ASTN2: variants seen among roughly 807,000 people sequenced by gnomAD.
The protein encoded by ASTN2 is astrotactin 2.
Under a neutral mutation model 139.8 loss-of-function variants are expected in ASTN2, and 54 were observed. That is an observed-to-expected ratio of 0.39 (90% CI 0.31 to 0.48). The LOEUF (loss-of-function observed/expected upper bound fraction) is 0.48. ASTN2 is among the 20% of genes least tolerant of loss of function. The pLI, the probability that ASTN2 is intolerant of heterozygous loss-of-function variation, is 0.95. For missense variants in ASTN2, 1,565 were observed against 1,725.1 expected, an observed-to-expected ratio of 0.91 and a Z score of 1.64; for synonymous variants, 756 against 719.5, an observed-to-expected ratio of 1.05 and a Z score of -0.81.
intron 21 of ASTN2, among the ~76,000 whole-genome samples, chr9:116,441,648 G>A (rs1265587642): frequency 6.6e-6 from 1 of 152,130 alleles, no homozygotes; most frequent in Admixed American, 6.6e-5. Flanking sequence ...GCCATCTGCA[G>A]AAATGTCTGT....
intron 20 of ASTN2, among the ~76,000 whole-genome samples, chr9:116,480,735 G>C (rs1458873600): frequency 1.3e-5 from 2 of 152,190 alleles, no homozygotes; most frequent in African/African-American, 4.8e-5. Context: ...GAAGAGTCAA[G>C]GGAAGGACAT....
intron 3 of ASTN2, among the ~76,000 whole-genome samples, chr9:117,190,982 G>A (rs1384907643): frequency 6.6e-6 from 1 of 152,086 alleles, no homozygotes; most frequent in South Asian, 2.1e-4. Context: ...ACACACAGTA[G>A]GTACTTAATT....
In ASTN2 at chr9:116,423,952, G is replaced by A. The variant is rs1847244713; in HGVS notation, c.*1899C>T. Among the ~76,000 whole-genome samples the A allele has an allele frequency of 6.6e-6, 1 of 152,134 alleles. No homozygotes were observed. The highest frequency in any genetic ancestry group is 1.5e-5 in the Non-Finnish European group (1 of 68,034). The stretch of plus-strand genomic sequence containing the variant: ...GATAGGCATATTTTGAATGGCTTAT[G>A]TTTTATTGATATTCAGTATCTTTTC... On this transcript the variant is annotated 3_prime_UTR_variant, in exon 23 of 23. Coordinates refer to ENST00000313400, the MANE Select transcript of ASTN2 (RefSeq NM_001365068.1).
At chr9:116,806,063 C>A (rs959322396) in intron 12 of ASTN2, among the ~76,000 whole-genome samples, 2 of 152,316 alleles carry the variant, frequency 1.3e-5, no homozygotes, top group African/African-American at 4.8e-5. Flanking sequence ...CACCAGCGTG[C>A]ACGTTCACAC....
chr9:116,809,453 C>T (rs1453587887), intron 12 of ASTN2, among the ~76,000 whole-genome samples: 1 of 151,976 alleles, frequency 6.6e-6, no homozygotes, highest in Non-Finnish European at 1.5e-5. Context: ...TGCAGTAATT[C>T]CAAGCTGTTT....
chr9:117,300,453 G>A (rs916816771), intron 1 of ASTN2, among the ~76,000 whole-genome samples: 2 of 152,142 alleles, frequency 1.3e-5, no homozygotes, highest in African/African-American at 4.8e-5. Flanking sequence ...TGAGTTTCTT[G>A]TCTTCAAGAA....
chr9:116,677,066 T>C (rs1859549733), intron 16 of ASTN2, among the ~76,000 whole-genome samples: 1 of 152,248 alleles, frequency 6.6e-6, no homozygotes, highest in African/African-American at 2.4e-5. Flanking sequence ...AGCACTATGG[T>C]TAAAAGTCAG....
intron 4 of ASTN2, among the ~76,000 whole-genome samples, chr9:117,116,525 C>T (rs1829395891): frequency 6.6e-6 from 1 of 151,716 alleles, no homozygotes; most frequent in Admixed American, 6.6e-5. Flanking sequence ...ATAATCTTTG[C>T]CATTTGCTTG....
chr9:116,935,155 T>A (rs894654660), intron 10 of ASTN2, among the ~76,000 whole-genome samples: 1 of 152,222 alleles, frequency 6.6e-6, no homozygotes, highest in African/African-American at 2.4e-5. Flanking sequence ...GAACATACAC[T>A]TCTAGGTCTC....
intron 1 of ASTN2, among the ~76,000 whole-genome samples, chr9:117,338,627 C>T (rs1443344637): frequency 1.3e-5 from 2 of 152,136 alleles, no homozygotes; most frequent in Non-Finnish European, 2.9e-5. Context: ...GGGGAAGGTG[C>T]TTCTTCCCCC....
intron 1 of ASTN2, among the ~76,000 whole-genome samples, chr9:117,315,589 T>C (rs1828118604): frequency 6.6e-6 from 1 of 152,252 alleles, no homozygotes; most frequent in South Asian, 2.1e-4. Flanking sequence ...GTATGCATAT[T>C]CTGACATACA....
At chr9:116,861,954 G>A (rs1362711841) in intron 11 of ASTN2, among the ~76,000 whole-genome samples, 3 of 146,598 alleles carry the variant, frequency 2.0e-5, no homozygotes, top group African/African-American at 7.5e-5. Context: ...TTCCACTTAA[G>A]CCAATGCATT....
chr9:117,157,625 T>C (rs1156793730), intron 3 of ASTN2, among the ~76,000 whole-genome samples: 1 of 152,030 alleles, frequency 6.6e-6, no homozygotes, highest in African/African-American at 2.4e-5. Context: ...ATGTTGAGTA[T>C]GGTATATCAA....
intron 16 of ASTN2, among the ~76,000 whole-genome samples, chr9:116,653,939 C>T (rs1858063549): frequency 6.6e-6 from 1 of 152,160 alleles, no homozygotes; most frequent in Non-Finnish European, 1.5e-5. Context: ...GTTACTAAGA[C>T]AAACAAAACA....
chr9:117,249,836 C>T (rs1335420), intron 2 of ASTN2, among the ~76,000 whole-genome samples: 112,130 of 151,972 alleles, frequency 0.74, 43,565 homozygotes, highest in Non-Finnish European at 0.86. Context: ...ATGCCCTTAT[C>T]CTGTTGCCTT....
intron 2 of ASTN2, among the ~76,000 whole-genome samples, chr9:117,268,558 G>T (rs1162017526): frequency 6.6e-6 from 1 of 152,122 alleles, no homozygotes; most frequent in African/African-American, 2.4e-5. Context: ...TGTATTCCCT[G>T]AATACATGAC....
At chr9:116,883,287 A>T (rs371842904) in intron 10 of ASTN2, among the ~76,000 whole-genome samples, 4 of 152,240 alleles carry the variant, frequency 2.6e-5, no homozygotes, top group East Asian at 3.8e-4. Context: ...GAAAAATTAT[A>T]TCGATATAAA....
intron 19 of ASTN2, among the ~76,000 whole-genome samples, chr9:116,492,742 A>G (rs760045068): frequency 1.3e-5 from 2 of 152,244 alleles, no homozygotes; most frequent in Non-Finnish European, 2.9e-5. Flanking sequence ...TGCTAGGTAC[A>G]TGGTTCCACC....
intron 10 of ASTN2, among the ~76,000 whole-genome samples, chr9:116,903,232 G>A (rs749812239): frequency 7.9e-5 from 12 of 152,090 alleles, no homozygotes; most frequent in Non-Finnish European, 1.3e-4. Context: ...TTACCCTGCT[G>A]TACTTTTATG....
Sources: allele counts gnomAD v4.1 joint callset (sites outside exome capture counted in the v4.1 genomes callset), GRCh38; gene constraint gnomAD v4.1.1; transcripts MANE v1.5; gene names NCBI Gene and HGNC (gene_info 2026-07-23, HGNC 2026-07-21).